Variants in LCT observed in about 807,000 individuals in gnomAD.
LCT encodes the protein lactase/phlorizin hydrolase.
In LCT, 90 loss-of-function variants were observed where a neutral mutation model predicts 173.0. The observed-to-expected ratio is 0.52, with a 90% confidence interval of 0.44 to 0.62. LCT has a LOEUF of 0.62. Ranked by LOEUF, LCT falls within the 20% of genes least tolerant of loss-of-function variation. The pLI is 0.00. For synonymous variants in LCT, 853 were observed against 957.6 expected (o/e 0.89, Z 2.02); for missense variants, 1,864 against 2,431.4 (o/e 0.77, Z 4.91).
intron 6 of LCT, among the ~76,000 whole-genome samples, chr2:135,815,366 A>G (rs2105540555): frequency 6.6e-6 from 1 of 151,964 alleles, no homozygotes; most frequent in East Asian, 1.9e-4. Context: ...GAAAAGGTTT[A>G]GATAAGTTTT....
At chr2:135,795,604 C>CTAATAATTATAATAATAATAATAA (rs57023267) in intron 13 of LCT, among the ~76,000 whole-genome samples, 1 of 146,050 alleles carries the variant, frequency 6.8e-6, no homozygotes, top group African/African-American at 2.5e-5. Flanking sequence ...TTCTCCAACT[C>CTAATAATTATAATAATAATAATAA]TAATAATAAT....
chr2:135,795,045 G>GCGCA (rs766023610), intron 13 of LCT, among the ~76,000 whole-genome samples: 5,748 of 149,798 alleles, frequency 0.038, 124 homozygotes, highest in Admixed American at 0.063. Flanking sequence ...GCGCGCGCGC[G>GCGCA]CACACACACA....
chr2:135,791,539 T>G (rs2077533104), intron 14 of LCT, among the ~76,000 whole-genome samples: 1 of 151,780 alleles, frequency 6.6e-6, no homozygotes, highest in African/African-American at 2.4e-5. Context: ...TTTAGACACT[T>G]CCTACACTCA....
chr2:135,818,554 C>T (rs576235906), intron 5 of LCT, among the ~76,000 whole-genome samples: 11 of 152,172 alleles, frequency 7.2e-5, no homozygotes, highest in Middle Eastern at 6.8e-3. Flanking sequence ...CTAAAAGAAA[C>T]GGGGGCTGGG....
Position 135,812,901 on chromosome 2 carries a change from T to C in LCT, c.1763A>G (p.His588Arg), listed in dbSNP as rs771500170. 2 of 1,614,124 alleles carry C rather than the reference T, an allele frequency of 1.2e-6. No individual in the cohort carries two copies. Among genetic ancestry groups the C allele is most frequent in the African/African-American group, 2.7e-5 (2 of 74,948 alleles). ...GTGCCCCTGCTGCTGTGGGCGATGA[T>C]GGCTGTTGTAGTGGTGCCAAGTTCT... ...HARTWHHYNS[H>R]HRPQQQGHVG... The change falls in exon 7 of 17, where the codon CAT becomes CGT. Residue 588 changes from histidine (H) to arginine (R), a missense_variant. His to Arg is a conservative substitution (Grantham distance 29, BLOSUM62 0). Coordinates refer to ENST00000264162, the MANE Select transcript of LCT (RefSeq NM_002299.4).
rs979278048 is a variant in LCT at position 135,790,192 on chromosome 2, C to T, written c.5336-394G>A. Among the ~76,000 whole-genome samples the T allele has an allele frequency of 1.3e-5, 2 of 152,216 alleles. No individual in the cohort carries two copies. Among genetic ancestry groups the T allele is most frequent in the Non-Finnish European group, 2.9e-5 (2 of 68,038 alleles). On this transcript the variant is annotated intron_variant, in intron 15 of 16. Coordinates refer to ENST00000264162, the MANE Select transcript of LCT (RefSeq NM_002299.4). The surrounding 1 kb of genome is among the most constrained non-coding windows in gnomAD (Gnocchi z 4.1). ...TGGGTAGGATTTTTCTAATCATTTC[C>T]TTTGCTGGTGCATTGCTTGCTCTTT...
At chr2:135,834,484 C>T (rs1420915403) in intron 1 of LCT, among the ~76,000 whole-genome samples, 2 of 147,872 alleles carry the variant, frequency 1.4e-5, no homozygotes, top group Non-Finnish European at 3.0e-5. Flanking sequence ...CACGCCTGGC[C>T]TTATTTTATT....
At chr2:135,834,658 C>T (rs1258036256) in intron 1 of LCT, among the ~76,000 whole-genome samples, 3 of 150,282 alleles carry the variant, frequency 2.0e-5, no homozygotes, top group Non-Finnish European at 3.0e-5. Context: ...TGTGGTGGTG[C>T]GTGCCTGTAA....
At chr2:135,800,955 C>T in intron 11 of LCT, 146 bp from the exon 12 acceptor site, 1 of 694,500 alleles carries the variant, frequency 1.4e-6, no homozygotes, top group Non-Finnish European at 2.6e-6. Context: ...CAAACCCTGG[C>T]TCTCCCTCTT....
At chr2:135,791,381 T>C (rs75565583) in intron 14 of LCT, among the ~76,000 whole-genome samples, 2,429 of 152,316 alleles carry the variant, frequency 0.016, 56 homozygotes, top group African/African-American at 0.055. Context: ...GCAGACAGGC[T>C]GGCACCTCCT....
chr2:135,788,385 C>T lies in LCT; in HGVS notation c.5723G>A (p.Arg1908His), dbSNP rs577825311. The T allele has an allele frequency of 3.2e-5, 52 of 1,613,988 alleles. No individual in the cohort carries two copies. In the East Asian group the frequency reaches 5.3e-4, roughly 17 times the overall value. ...TCGTTGTGTTTTCCCTTGCTTAGAGCGCTTGCAGTACTTGTATGACAGAAA... is the reference window on the plus strand; with the variant it reads ...TCGTTGTGTTTTCCCTTGCTTAGAGTGCTTGCAGTACTTGTATGACAGAAA... The part of the protein sequence containing the change: ...LAFLSYKYCK[R>H]SKQGKTQRSQ... Residue 1908 changes from arginine (R) to histidine (H), a missense_variant, in exon 17 of 17, where the codon CGC becomes CAC. By Grantham distance (29) the Arg-to-His change is conservative (BLOSUM62 0). Around this residue, in one of 4 missense-constraint regions of LCT, gnomAD observed 514 missense variants for 750.1 expected, o/e 0.69. Coordinates refer to ENST00000264162, the MANE Select transcript of LCT (RefSeq NM_002299.4).
intron 13 of LCT, 26 bp from the exon 14 acceptor site, chr2:135,794,801 A>T (rs3213891): frequency 1.9e-6 from 3 of 1,614,014 alleles, no homozygotes; most frequent in Non-Finnish European, 2.5e-6. Context: ...CATTGAGGGC[A>T]GGGCTTCAGG....
rs2077788117 is a variant in LCT at position 135,817,366 on chromosome 2, G to C, written c.1682C>G (p.Ser561Cys). The C allele has an allele frequency of 1.1e-5, 17 of 1,614,080 alleles. No homozygotes were observed. Among genetic ancestry groups the C allele is most frequent in the Non-Finnish European group, 1.4e-5 (17 of 1,179,932 alleles). Residue 561 changes from serine to cysteine, a missense_variant, in exon 6 of 17, where the codon TCT becomes TGT. Physicochemically the swap from Ser to Cys is moderately radical, Grantham distance 112. Transcript: ENST00000264162. ...CTTAAAAGAGGCCACTCCTGGGTCAGAGATGCCGGGAGGGTGCTGGCCGGT... is the reference window on the plus strand; with the variant it reads ...CTTAAAAGAGGCCACTCCTGGGTCACAGATGCCGGGAGGGTGCTGGCCGGT... ...YGTGQHPPGISDPGVASFKVA... is the reference protein window; with the variant it reads ...YGTGQHPPGICDPGVASFKVA...
intron 8 of LCT, 118 bp from the exon 9 acceptor site, chr2:135,807,514 C>A: frequency 1.1e-6 from 1 of 900,516 alleles, no homozygotes. Context: ...TGACATACAC[C>A]CTGAGAGACC....
intron 11 of LCT, 69 bp from the exon 12 acceptor site, chr2:135,800,878 G>T: frequency 1.7e-6 from 2 of 1,197,688 alleles, no homozygotes; most frequent in Non-Finnish European, 2.5e-6. Flanking sequence ...GTTAGTCCCT[G>T]CCTGCAGATG....
intron 4 of LCT, among the ~76,000 whole-genome samples, 182 bp downstream of exon 4, chr2:135,823,719 G>T (rs1401027007): frequency 6.6e-6 from 1 of 152,166 alleles, no homozygotes; most frequent in Non-Finnish European, 1.5e-5. Context: ...GTCAATGGGG[G>T]ATGGTTGCAA....
intron 11 of LCT, among the ~76,000 whole-genome samples, chr2:135,801,477 G>A (rs534345729): frequency 6.6e-6 from 1 of 152,138 alleles, no homozygotes; most frequent in South Asian, 2.1e-4. Flanking sequence ...CACTTTGGGA[G>A]GCTGAGGCAG....
chr2:135,835,341 T>C (rs1395478246), intron 1 of LCT, among the ~76,000 whole-genome samples: 1 of 151,448 alleles, frequency 6.6e-6, no homozygotes, highest in Non-Finnish European at 1.5e-5. Context: ...GGTCTCCAAC[T>C]CCTGGCCTCA....
intron 5 of LCT, chr2:135,820,360 T>A (rs1575344746): frequency 6.6e-6 from 1 of 152,226 alleles, no homozygotes; most frequent in Admixed American, 6.5e-5. Flanking sequence ...AGTTTTCTTT[T>A]GTGAAGCCAC....
Sources: allele counts gnomAD v4.1 joint callset (sites outside exome capture counted in the v4.1 genomes callset), GRCh38; gene constraint gnomAD v4.1.1; regional missense constraint gnomAD v4.1.1; non-coding constraint Gnocchi (gnomAD v3.1); transcripts MANE v1.5; gene names NCBI Gene and HGNC (gene_info 2026-07-23, HGNC 2026-07-21).